Variants in MMP27 observed in about 807,000 individuals in gnomAD.
MMP27 encodes matrix metallopeptidase 27, also known as matrix metalloproteinase-27.
In MMP27, 51 loss-of-function variants were observed where a neutral mutation model predicts 48.1. The ratio of observed to expected loss-of-function variants is 1.06; its 90% CI spans 0.85 to 1.34. The LOEUF (loss-of-function observed/expected upper bound fraction) is 1.34, where lower values mean the gene tolerates loss of function less well. Ranked by LOEUF, MMP27 falls within the 40% of genes most tolerant of loss-of-function variation. The pLI, the probability that MMP27 is intolerant of heterozygous loss-of-function variation, is 0.00. For missense variants in MMP27, 698 were observed against 619.3 expected (o/e 1.13, Z -1.35); for synonymous variants, 229 against 208.9 (o/e 1.10, Z -0.83).
intron 8 of MMP27, among the ~76,000 whole-genome samples, 167 bp downstream of exon 8, chr11:102,693,739 T>C (rs2134261435): frequency 6.6e-6 from 1 of 152,136 alleles, no homozygotes; most frequent in African/African-American, 2.4e-5. Context: ...GAGCAGAGAT[T>C]GCAGCACTAC....
intron 4 of MMP27, among the ~76,000 whole-genome samples, chr11:102,698,960 A>G (rs1591659782): frequency 6.6e-6 from 1 of 152,250 alleles, no homozygotes; most frequent in Admixed American, 6.5e-5. Context: ...CCCTGAGTAC[A>G]GGAACCATGT....
intron 6 of MMP27, among the ~76,000 whole-genome samples, 164 bp downstream of exon 6, chr11:102,696,207 C>T (rs1022034380): frequency 1.3e-5 from 2 of 152,234 alleles, no homozygotes; most frequent in African/African-American, 4.8e-5. Context: ...CAAACAACTA[C>T]AAGAGACACA....
chr11:102,693,395 TTATC>T (rs140778431), intron 8 of MMP27, among the ~76,000 whole-genome samples: 2,513 of 152,280 alleles, frequency 0.017, 77 homozygotes, highest in African/African-American at 0.058. Context: ...TTATTTTATC[TTATC>T]TTTTTTTTTA....
chr11:102,693,850 T>A, intron 8 of MMP27, 56 bp downstream of exon 8: 1 of 1,380,994 alleles, frequency 7.2e-7, no homozygotes, highest in South Asian at 1.5e-5. Flanking sequence ...AAAGTGATGC[T>A]ATTGTGAATA....
At chr11:102,700,846 T>C (rs928644612) in intron 4 of MMP27, among the ~76,000 whole-genome samples, 7 of 152,248 alleles carry the variant, frequency 4.6e-5, no homozygotes, top group African/African-American at 1.7e-4. Context: ...CCCCATGCGA[T>C]GACCTGTTCT....
chr11:102,694,077 G>A lies in MMP27; in HGVS notation c.1034-12C>T, dbSNP rs1434130055. The A allele has an allele frequency of 3.3e-6, 5 of 1,530,432 alleles. No individual in the cohort carries two copies. Among genetic ancestry groups the A allele is most frequent in the African/African-American group, 1.4e-5 (1 of 70,776 alleles). 94.8% of individuals were successfully genotyped at this position (1,530,432 alleles called of 1,614,324 possible). A position where few individuals can be genotyped will look rare whatever the true frequency, so the allele number is the denominator to read the frequency against. The stretch of plus-strand genomic sequence containing the variant: ...CCAGAAGTTTTCATCTAGGAAGAGA[G>A]GAGTGATTATTTATTTTCTAGAGGG... On this transcript the variant is annotated splice_polypyrimidine_tract_variant and intron_variant, in intron 7 of 9. Transcript: ENST00000260229.
At chr11:102,698,826 C>T (rs1860882990) in intron 4 of MMP27, among the ~76,000 whole-genome samples, 1 of 152,160 alleles carries the variant, frequency 6.6e-6, no homozygotes, top group Non-Finnish European at 1.5e-5. Context: ...TTATTTCCTT[C>T]ATGTAACTTC....
At chr11:102,692,573 T>C (rs1860745016) in intron 9 of MMP27, among the ~76,000 whole-genome samples, 1 of 152,236 alleles carries the variant, frequency 6.6e-6, no homozygotes, top group Non-Finnish European at 1.5e-5. Context: ...CTGCCTCAAA[T>C]ACTTTGTTTC....
intron 4 of MMP27, among the ~76,000 whole-genome samples, chr11:102,697,513 A>T (rs948887988): frequency 6.6e-6 from 1 of 152,042 alleles, no homozygotes; most frequent in Admixed American, 6.6e-5. Flanking sequence ...TTACTTTATA[A>T]ATTTTTTTTT....
rs1340636902 is a variant in MMP27, at chr11:102,692,000, A to G, written c.1308T>C (p.Phe436=). The change falls in exon 10 of 10, where the codon TTT becomes TTC. Residue 436 remains phenylalanine (F), a synonymous_variant. Coordinates refer to ENST00000260229, the MANE Select transcript of MMP27 (RefSeq NM_022122.3). ...DAAFQYKGFF[F]FSRGSKQFEY... is the part of the protein sequence containing the mutation. ...CAAATTGCTTTGATCCACGGCTGAA[A>G]AAGAAGAATCCTAGAGACAGGGAAT... 1.2e-6 allele frequency: 2 copies of G among 1,602,562 alleles called. No homozygotes were observed. The highest frequency in any genetic ancestry group is 3.4e-5 in the Admixed American group (2 of 59,178).
At chr11:102,702,655 G>C (rs1017009649) in intron 4 of MMP27, 98 bp downstream of exon 4, 46 of 1,364,216 alleles carry the variant, frequency 3.4e-5, no homozygotes, top group Non-Finnish European at 4.0e-6. Context: ...TGGGGACATT[G>C]GGAACTTTAC....
chr11:102,705,060 T>C (rs1861021623), intron 1 of MMP27, among the ~76,000 whole-genome samples: 1 of 152,210 alleles, frequency 6.6e-6, no homozygotes, highest in South Asian at 2.1e-4. Flanking sequence ...CAGAAGAGAA[T>C]GAAGCTTCGT....
At chr11:102,703,592 G>A (rs2701995) in intron 2 of MMP27, among the ~76,000 whole-genome samples, 70,374 of 151,630 alleles carry the variant, frequency 0.46, 16,482 homozygotes, top group Middle Eastern at 0.53. Flanking sequence ...GCGCGACCTC[G>A]GCTCACTGCA....
rs1861035115 is a variant in MMP27, at chr11:102,705,664, T to G, written c.51A>C (p.Ala17=). Residue 17 remains alanine (A), a synonymous_variant, in exon 1 of 10, where the codon GCA becomes GCC. Transcript: ENST00000260229. ...LFLFFITFSS[A]FPLVRMTENE... is the part of the protein sequence containing the mutation. Reference sequence around the variant, plus strand: ...TTTCCGTCATCCGGACTAAGGGAAATGCAGAAGAAAATGTTATAAAGAACA... The same window carrying G: ...TTTCCGTCATCCGGACTAAGGGAAAGGCAGAAGAAAATGTTATAAAGAACA... 6.2e-7 allele frequency: 1 copy of G among 1,606,860 alleles called. No homozygotes were observed. Among genetic ancestry groups the G allele is most frequent in the Non-Finnish European group, 8.5e-7 (1 of 1,177,560 alleles).
chr11:102,695,783 T>C (rs894313997), intron 6 of MMP27, among the ~76,000 whole-genome samples: 1 of 152,200 alleles, frequency 6.6e-6, no homozygotes, highest in Non-Finnish European at 1.5e-5. Flanking sequence ...ATGGTCTACA[T>C]AACTGACACA....
intron 7 of MMP27, 38 bp from the exon 8 acceptor site, chr11:102,694,103 A>T: frequency 2.1e-6 from 3 of 1,434,490 alleles, no homozygotes; most frequent in Non-Finnish European, 2.8e-6. Flanking sequence ...TTCTAGAGGG[A>T]GAAATAGGTA....
chr11:102,694,853 G>T, intron 7 of MMP27, 114 bp downstream of exon 7: 1 of 1,197,236 alleles, frequency 8.4e-7, no homozygotes, highest in Non-Finnish European at 1.2e-6. Flanking sequence ...TAAGATGAGA[G>T]CAAAAGCCCT....
rs1860965939 is a variant in MMP27 at position 102,702,778 on chromosome 11, A to C, written c.594T>G (p.Asp198Glu). The C allele has an allele frequency of 6.2e-7, 1 of 1,613,776 alleles. No individual in the cohort carries two copies. The highest frequency in any genetic ancestry group is 2.2e-5 in the East Asian group (1 of 44,890). Residue 198 changes from aspartate (D) to glutamate (E), a missense_variant, in exon 4 of 10, where the codon GAT becomes GAG. Coordinates refer to ENST00000260229, the MANE Select transcript of MMP27 (RefSeq NM_022122.3). The part of the protein sequence containing the change: ...GLGGDTHFDE[D>E]ENWTKDGAGF... ...CTGCTCCATCCTTGGTCCAGTTTTC[A>C]TCCTCATCAAAATGAGTGTCACCAC...
At chr11:102,698,317 C>G (rs527882610) in intron 4 of MMP27, among the ~76,000 whole-genome samples, 3 of 152,248 alleles carry the variant, frequency 2.0e-5, no homozygotes, top group Admixed American at 6.5e-5. Context: ...TCAGCTCCAT[C>G]ATAATCGAAT....
Sources: allele counts gnomAD v4.1 joint callset (sites outside exome capture counted in the v4.1 genomes callset), GRCh38; gene constraint gnomAD v4.1.1; transcripts MANE v1.5; gene names NCBI Gene and HGNC (gene_info 2026-07-23, HGNC 2026-07-21).